LPIN2: variants seen among roughly 807,000 people sequenced by gnomAD.
LPIN2 encodes phosphatidate phosphatase LPIN2.
Under a neutral mutation model 111.4 loss-of-function variants are expected in LPIN2, and 55 were observed. That is an observed-to-expected ratio of 0.49 (90% CI 0.40 to 0.62). The LOEUF (loss-of-function observed/expected upper bound fraction) is 0.62, where lower values mean the gene tolerates loss of function less well. Among genes scored for constraint, LPIN2 ranks in the 20% least tolerant of loss-of-function variants. The pLI, the probability that LPIN2 is intolerant of heterozygous loss-of-function variation, is 0.00. For synonymous variants in LPIN2, 425 were observed against 414.0 expected (o/e 1.03, Z -0.32); for missense variants, 992 against 1,112.1 (o/e 0.89, Z 1.54).
intron 1 of LPIN2, among the ~76,000 whole-genome samples, chr18:3,002,155 G>T (rs190036942): frequency 1.3e-5 from 2 of 150,642 alleles, no homozygotes; most frequent in East Asian, 3.9e-4. Context: ...ACACTTACAG[G>T]GGGAAGGTCC....
chr18:2,955,323 A>T (rs1034953557), intron 2 of LPIN2, among the ~76,000 whole-genome samples: 2 of 152,092 alleles, frequency 1.3e-5, no homozygotes, highest in Admixed American at 1.3e-4. Flanking sequence ...GGAAACCTTT[A>T]CTCACGGTGA....
intron 1 of LPIN2, among the ~76,000 whole-genome samples, chr18:2,971,087 G>A (rs905008677): frequency 1.3e-5 from 2 of 152,264 alleles, no homozygotes; most frequent in South Asian, 2.1e-4. Flanking sequence ...ACTTAAGGAA[G>A]GACCATAAAC....
At chr18:2,991,668 T>C (rs2078267327) in intron 1 of LPIN2, among the ~76,000 whole-genome samples, 1 of 151,908 alleles carries the variant, frequency 6.6e-6, no homozygotes, top group South Asian at 2.1e-4. Flanking sequence ...GCCGAGACCA[T>C]GTCACTACAC....
At chr18:2,963,939 T>C (rs190054300) in intron 1 of LPIN2, among the ~76,000 whole-genome samples, 1 of 152,018 alleles carries the variant, frequency 6.6e-6, no homozygotes, top group East Asian at 1.9e-4. Context: ...CTTAAACTTA[T>C]ACATTATTAT....
chr18:2,989,956 G>T (rs1010733603), intron 1 of LPIN2, among the ~76,000 whole-genome samples: 7 of 151,586 alleles, frequency 4.6e-5, no homozygotes, highest in African/African-American at 1.7e-4. Flanking sequence ...TCAAAACATT[G>T]TAGTACTGGC....
chr18:2,951,420 T>C (rs1309231441), intron 3 of LPIN2, 64 bp from the exon 4 acceptor site: 24 of 1,319,914 alleles, frequency 1.8e-5, no homozygotes, highest in Non-Finnish European at 2.6e-5. Flanking sequence ...AAAGCAGTAA[T>C]ATTTTGAATA....
rs1183455640 is a variant in LPIN2 at position 2,918,009 on chromosome 18, G to C, written c.*2284C>G. ...ATGTCATTTGTACCAAATGGCAATG[G>C]ATTTTCAGCACAAACTTAATACTTT... On this transcript the variant is annotated 3_prime_UTR_variant, in exon 20 of 20. Coordinates refer to ENST00000677752, the MANE Select transcript of LPIN2 (RefSeq NM_001375808.2). 5 of 152,208 alleles carry C rather than the reference G, an allele frequency of 3.3e-5. No homozygotes were observed. Among genetic ancestry groups the C allele is most frequent in the Non-Finnish European group, 5.9e-5 (4 of 68,034 alleles). The allele number at this position is 152,208 out of a possible 1,614,324, so 9.4% of individuals were successfully genotyped here.
intron 1 of LPIN2, among the ~76,000 whole-genome samples, chr18:2,997,879 C>T (rs666624): frequency 0.47 from 72,209 of 152,156 alleles, 19,401 homozygotes; most frequent in Non-Finnish European, 0.6. Flanking sequence ...TCTGCTAGAT[C>T]GGTAAGCATG....
At chr18:3,011,045 C>T (rs752588360) in intron 1 of LPIN2, among the ~76,000 whole-genome samples, 1 of 152,074 alleles carries the variant, frequency 6.6e-6, no homozygotes, top group Non-Finnish European at 1.5e-5. Flanking sequence ...GAATCGCATC[C>T]CAAAGCCGGC....
At chr18:2,975,061 TCC>T (rs1184916272) in intron 1 of LPIN2, among the ~76,000 whole-genome samples, 1 of 152,194 alleles carries the variant, frequency 6.6e-6, no homozygotes, top group Non-Finnish European at 1.5e-5. Context: ...TCTGATTTAA[TCC>T]TCACAACTAG....
At chr18:2,945,650 T>C (rs868715925) in intron 4 of LPIN2, 14 of 1,450,154 alleles carry the variant, frequency 9.7e-6, no homozygotes, top group African/African-American at 5.6e-5. Context: ...ATTTCAATCT[T>C]TGTTGCAGTC....
intron 4 of LPIN2, among the ~76,000 whole-genome samples, chr18:2,941,402 G>T (rs2077365395): frequency 2.6e-5 from 4 of 152,212 alleles, no homozygotes; most frequent in African/African-American, 7.2e-5. Context: ...TGGGTAGGGG[G>T]TTACACTACT....
chr18:2,946,811 G>A, intron 4 of LPIN2: 1 of 437,540 alleles, frequency 2.3e-6, no homozygotes, highest in Non-Finnish European at 4.2e-6. Context: ...ACAACGTCTA[G>A]CAGCAACCTT....
At chr18:2,986,271 T>C (rs527406575) in intron 1 of LPIN2, among the ~76,000 whole-genome samples, 1 of 152,332 alleles carries the variant, frequency 6.6e-6, no homozygotes, top group South Asian at 2.1e-4. Context: ...GGTTATATAG[T>C]TTACTCAAGT....
At chr18:2,958,154 AAAACAACAAAAAAAAAAAACAG>A (rs2077645730) in intron 2 of LPIN2, among the ~76,000 whole-genome samples, 1 of 108,656 alleles carries the variant, frequency 9.2e-6, no homozygotes, top group South Asian at 2.9e-4. Context: ...AAAAAAAAAA[AAAACAACAAAAAAAAAAAACAG>A]AAAAAAGAAA....
At chr18:2,924,976 C>T (rs1396448985) in intron 14 of LPIN2, among the ~76,000 whole-genome samples, 2 of 152,152 alleles carry the variant, frequency 1.3e-5, no homozygotes, top group Non-Finnish European at 2.9e-5. Flanking sequence ...TAGCTGTGTA[C>T]GACTGACTCT....
intron 1 of LPIN2, among the ~76,000 whole-genome samples, chr18:2,979,436 CA>C (rs2078072884): frequency 6.6e-6 from 1 of 152,008 alleles, no homozygotes; most frequent in African/African-American, 2.4e-5. Context: ...CCCAGAGCAG[CA>C]AAAAATTCCG....
chr18:2,989,577 A>G (rs1418849227), intron 1 of LPIN2, among the ~76,000 whole-genome samples: 1 of 151,546 alleles, frequency 6.6e-6, no homozygotes, highest in Non-Finnish European at 1.5e-5. Flanking sequence ...TAATACTGAA[A>G]AAGAGCTAAG....
intron 12 of LPIN2, among the ~76,000 whole-genome samples, chr18:2,927,092 C>T (rs1203302876): frequency 6.6e-6 from 1 of 152,146 alleles, no homozygotes; most frequent in Non-Finnish European, 1.5e-5. Flanking sequence ...TTGTTAGGTC[C>T]CCAGCTTCCT....
Sources: allele counts gnomAD v4.1 joint callset (sites outside exome capture counted in the v4.1 genomes callset), GRCh38; gene constraint gnomAD v4.1.1; transcripts MANE v1.5; gene names NCBI Gene and HGNC (gene_info 2026-07-23, HGNC 2026-07-21).